SYT2: variants seen among roughly 807,000 people sequenced by gnomAD.
The protein encoded by SYT2 is synaptotagmin-2.
SYT2 carries 15 observed loss-of-function variants against 39.9 expected under a neutral mutation model. The ratio of observed to expected loss-of-function variants is 0.38; its 90% CI spans 0.25 to 0.58. The LOEUF (loss-of-function observed/expected upper bound fraction) is 0.58, where lower values mean the gene tolerates loss of function less well. Ranked by LOEUF, SYT2 falls within the 20% of genes least tolerant of loss-of-function variation. SYT2 has a pLI of 0.70. For missense variants in SYT2, 389 were observed against 530.3 expected (o/e 0.73, Z 2.62); for synonymous variants, 181 against 204.5 (o/e 0.89, Z 0.98).
intron 1 of SYT2, among the ~76,000 whole-genome samples, chr1:202,699,584 C>G (rs1268886899): frequency 6.6e-6 from 1 of 152,146 alleles, no homozygotes; most frequent in Non-Finnish European, 1.5e-5. Flanking sequence ...GGTAATAGAT[C>G]ATGTACTCTA....
chr1:202,605,497 AGAGC>A, intron 2 of SYT2, 94 bp downstream of exon 2: 2 of 1,203,418 alleles, frequency 1.7e-6, no homozygotes, highest in South Asian at 3.0e-5. Context: ...GCATTAGGAA[AGAGC>A]CCAGCCAATC....
At chr1:202,653,522 G>A (rs781184251) in intron 1 of SYT2, among the ~76,000 whole-genome samples, 4 of 148,306 alleles carry the variant, frequency 2.7e-5, no homozygotes, top group Non-Finnish European at 5.9e-5. Flanking sequence ...GTAGATGCTT[G>A]CCTTAACTGC....
intron 1 of SYT2, among the ~76,000 whole-genome samples, chr1:202,674,901 A>T (rs1192218707): frequency 5.9e-5 from 3 of 51,240 alleles, no homozygotes; most frequent in African/African-American, 1.2e-4. Context: ...CCACCCCAAT[A>T]ATCTCAATGT....
At chr1:202,625,738 AAGG>A (rs1162483496) in intron 1 of SYT2, among the ~76,000 whole-genome samples, 2 of 152,008 alleles carry the variant, frequency 1.3e-5, no homozygotes, top group African/African-American at 4.8e-5. Context: ...ACACCCTGGA[AAGG>A]AGGAGGTGGG....
rs1690279155 is a variant in SYT2, at chr1:202,596,220, A to G, written c.*537T>C. On this transcript the variant is annotated 3_prime_UTR_variant, in exon 9 of 9. Transcript: ENST00000367268. ...TCCAGGAATGAAGAGAGATGCTCAA[A>G]GAGACACACACACACACACATTCCA... 6.5e-6 allele frequency: 1 copy of G among 152,950 alleles called. No homozygotes were observed. Among genetic ancestry groups the G allele is most frequent in the South Asian group, 2.1e-4 (1 of 4,874 alleles). 9.5% of individuals were successfully genotyped at this position (152,950 alleles called of 1,614,324 possible).
At position 202,660,923 on chromosome 1, in the gene SYT2, G is replaced by T. The variant is rs373400992; in HGVS notation, c.-18+49335C>A. On this transcript the variant is annotated intron_variant, in intron 1 of 8. Transcript: ENST00000367268. ...TCTCCCCCAGCCTTCCTTCTATCCG[G>T]ACTTAAGGACTCTCTAGTGCTTTGC... 2.0e-4 allele frequency among the ~76,000 whole-genome samples: 30 copies of T among 152,212 alleles called. No individual in the cohort carries two copies. In the East Asian group the frequency reaches 3.9e-3, roughly 20 times the overall value.
intron 2 of SYT2, 97 bp from the exon 3 acceptor site, chr1:202,604,718 A>G: frequency 1.7e-6 from 2 of 1,208,172 alleles, no homozygotes; most frequent in Non-Finnish European, 2.3e-6. Flanking sequence ...TATGACTGCC[A>G]TCCCACAATG....
intron 1 of SYT2, among the ~76,000 whole-genome samples, chr1:202,618,402 T>A (rs1367730261): frequency 4.9e-5 from 1 of 20,594 alleles, no homozygotes; most frequent in Non-Finnish European, 3.2e-4. Flanking sequence ...CTGGTGTGAG[T>A]GTGTGTGTGT....
At position 202,599,153 on chromosome 1, in the gene SYT2, A is replaced by G. The variant is rs918556442; in HGVS notation, c.1053+65T>C. 5 of 1,589,054 alleles carry G rather than the reference A, an allele frequency of 3.1e-6. No individual in the cohort carries two copies. Among genetic ancestry groups the G allele is most frequent in the Admixed American group, 3.7e-5 (2 of 53,546 alleles). ...TCTCTAGGTGAGTTCCCTCTCTTCA[A>G]CCTCCCCATACATGTTTGCCTCCCC... On this transcript the variant is annotated intron_variant, in intron 8 of 8. Transcript: ENST00000367268. The surrounding 1 kb of genome is among the most constrained non-coding windows in gnomAD (Gnocchi z 4.4).
intron 3 of SYT2, chr1:202,604,137 T>G: frequency 7.4e-6 from 2 of 271,498 alleles, no homozygotes; most frequent in Non-Finnish European, 1.4e-5. Flanking sequence ...AAACACAGGG[T>G]TAACTGATGG....
intron 1 of SYT2, among the ~76,000 whole-genome samples, chr1:202,699,177 C>T (rs574503996): frequency 5.3e-5 from 8 of 152,078 alleles, no homozygotes; most frequent in Middle Eastern, 3.4e-3. Flanking sequence ...CATGCCACCA[C>T]GTCCAGCTAA....
At chr1:202,657,357 T>A (rs1246392350) in intron 1 of SYT2, among the ~76,000 whole-genome samples, 2 of 152,214 alleles carry the variant, frequency 1.3e-5, no homozygotes, top group East Asian at 3.8e-4. Flanking sequence ...TTTCTCCACC[T>A]ACGATTCTCT....
intron 1 of SYT2, among the ~76,000 whole-genome samples, chr1:202,694,596 TCCCTAAC>T (rs769997030): frequency 4.8e-4 from 73 of 151,702 alleles, no homozygotes; most frequent in Non-Finnish European, 7.7e-4. Flanking sequence ...CCACACACCA[TCCCTAAC>T]TACAGCAATA....
chr1:202,619,132 G>A (rs1301817195), intron 1 of SYT2, among the ~76,000 whole-genome samples: 2 of 152,190 alleles, frequency 1.3e-5, no homozygotes, highest in Non-Finnish European at 2.9e-5. Flanking sequence ...GAATGGCGGC[G>A]AGAACGGTGT....
chr1:202,600,282 G>C (rs1690452101), intron 7 of SYT2, 75 bp downstream of exon 7: 9 of 1,214,886 alleles, frequency 7.4e-6, no homozygotes, highest in Non-Finnish European at 1.1e-5. Flanking sequence ...CTTCACTGGA[G>C]TGTGCAAACT....
chr1:202,630,474 A>G, intron 1 of SYT2: 1 of 876,460 alleles, frequency 1.1e-6, no homozygotes, highest in Non-Finnish European at 1.4e-6. Flanking sequence ...CTGGAAGAGC[A>G]GCAGGGAGCC....
At chr1:202,609,003 A>G (rs1037251109) in intron 1 of SYT2, among the ~76,000 whole-genome samples, 8 of 148,854 alleles carry the variant, frequency 5.4e-5, no homozygotes, top group Non-Finnish European at 1.0e-4. Flanking sequence ...CATTAGGTAT[A>G]TCTCCTAATG....
intron 1 of SYT2, among the ~76,000 whole-genome samples, chr1:202,636,959 T>C (rs1691755071): frequency 6.6e-6 from 1 of 152,202 alleles, no homozygotes; most frequent in South Asian, 2.1e-4. Context: ...ATCTGAGGTT[T>C]AACCACTGCA....
Position 202,592,569 on chromosome 1 carries a change from A to G in SYT2, c.*4188T>C, listed in dbSNP as rs892533938. The stretch of plus-strand genomic sequence containing the variant: ...ATCTTGATTAAACAAGATTCTGTTC[A>G]TATGTTTCTAGGTAATTATCTTCTT... On this transcript the variant is annotated 3_prime_UTR_variant, in exon 9 of 9. Transcript: ENST00000367268. 2.0e-5 allele frequency: 3 copies of G among 152,248 alleles called. No homozygotes were observed. The highest frequency in any genetic ancestry group is 4.4e-5 in the Non-Finnish European group (3 of 68,046). 9.4% of individuals were successfully genotyped at this position (152,248 alleles called of 1,614,324 possible). A position where few individuals can be genotyped will look rare whatever the true frequency, so the allele number is the denominator to read the frequency against.
Sources: gnomAD v4.1 joint callset for allele counts (sites outside exome capture counted in the v4.1 genomes callset) on GRCh38, gnomAD v4.1.1 for gene constraint, Gnocchi (gnomAD v3.1) non-coding constraint, MANE v1.5 for transcripts, NCBI Gene and HGNC (gene_info 2026-07-23, HGNC 2026-07-21) for gene names.